The following TRHDE variants were observed in gnomAD, a reference collection of about 807,000 sequenced individuals.
TRHDE encodes the protein thyrotropin-releasing hormone-degrading ectoenzyme.
A neutral mutation model predicts 125.7 loss-of-function variants in TRHDE; 72 were observed. The observed-to-expected ratio is 0.57, with a 90% CI of 0.47 to 0.70. TRHDE has a LOEUF of 0.70. Among genes scored for constraint, TRHDE ranks in the 30% least tolerant of loss-of-function variants. TRHDE has a pLI of 0.00. For synonymous variants in TRHDE, 509 were observed against 509.1 expected (o/e 1.00, Z 0.00); for missense variants, 1,110 against 1,327.1 (o/e 0.84, Z 2.54).
At chr12:72,619,778 C>T (rs758945222) in intron 13 of TRHDE, among the ~76,000 whole-genome samples, 9 of 152,050 alleles carry the variant, frequency 5.9e-5, no homozygotes, top group South Asian at 2.1e-4. Flanking sequence ...CTTTAGTTAG[C>T]GTAAGAGCCT....
Position 72,524,880 on chromosome 12 carries a change from G to A in TRHDE, c.1723-17411G>A, listed in dbSNP as rs935496122. ...CAGCTTATGTATCCTGGTCTTCAAGGAAAACAGACAATCCTGGGCACACAT... is the reference window on the plus strand; with the variant it reads ...CAGCTTATGTATCCTGGTCTTCAAGAAAAACAGACAATCCTGGGCACACAT... On this transcript the variant is annotated intron_variant, in intron 6 of 18. Coordinates refer to ENST00000261180, the MANE Select transcript of TRHDE (RefSeq NM_013381.3). Among the ~76,000 whole-genome samples, 4 of 152,238 alleles carry A rather than the reference G, an allele frequency of 2.6e-5. No individual in the cohort carries two copies. The South Asian group carries it at 8.3e-4, about 32-fold the overall frequency.
intron 12 of TRHDE, among the ~76,000 whole-genome samples, chr12:72,603,036 A>G (rs571885239): frequency 2.2e-4 from 34 of 152,212 alleles, no homozygotes; most frequent in Admixed American, 4.6e-4. Flanking sequence ...AAAAGCTTCA[A>G]ATATACCCAT....
chr12:72,305,740 A>G (rs1447032412), intron 2 of TRHDE, among the ~76,000 whole-genome samples: 2 of 152,222 alleles, frequency 1.3e-5, no homozygotes, highest in Non-Finnish European at 2.9e-5. Context: ...GTGAGATTTT[A>G]TGGTTGAAGA....
intron 1 of TRHDE, among the ~76,000 whole-genome samples, chr12:72,281,879 A>G (rs1351578051): frequency 6.6e-6 from 1 of 152,204 alleles, no homozygotes; most frequent in Non-Finnish European, 1.5e-5. Context: ...CAGAAATAAG[A>G]AGAAATCAAT....
chr12:72,608,970 A>T (rs889708674), intron 12 of TRHDE, among the ~76,000 whole-genome samples: 2 of 152,240 alleles, frequency 1.3e-5, no homozygotes, highest in South Asian at 4.1e-4. Flanking sequence ...TAGAATGGGG[A>T]TGGTAATACT....
At chr12:72,556,727 C>CA (rs530963551) in intron 7 of TRHDE, among the ~76,000 whole-genome samples, 4 of 152,026 alleles carry the variant, frequency 2.6e-5, no homozygotes, top group Non-Finnish European at 4.4e-5. Flanking sequence ...GCTGGAAAGC[C>CA]AAAAAAATGA....
At chr12:72,240,647 G>A (rs1878459680) in intron 2 of TRHDE, among the ~76,000 whole-genome samples, 1 of 151,504 alleles carries the variant, frequency 6.6e-6, no homozygotes, top group African/African-American at 2.4e-5. Flanking sequence ...TCGGCTCACT[G>A]CAAGCTCCGC....
intron 2 of TRHDE, among the ~76,000 whole-genome samples, chr12:72,202,707 C>CT (rs1288282917): frequency 6.6e-6 from 1 of 152,216 alleles, no homozygotes; most frequent in Non-Finnish European, 1.5e-5. Context: ...ATTATCTTCT[C>CT]TAAGTCCCAT....
chr12:72,597,762 T>TACATACATAC (rs1555200905), intron 12 of TRHDE, among the ~76,000 whole-genome samples: 2 of 80,682 alleles, frequency 2.5e-5, no homozygotes, highest in African/African-American at 9.3e-5. Context: ...TATATATGCA[T>TACATACATAC]ACACACACAA....
chr12:72,193,135 C>A (rs943468505), intron 2 of TRHDE, among the ~76,000 whole-genome samples: 1 of 151,744 alleles, frequency 6.6e-6, no homozygotes. Context: ...CAAAATTTTG[C>A]CATTGTTACA....
In TRHDE at chr12:72,669,800, A is replaced by G. The variant is rs1376766608; in HGVS notation, c.*6605A>G. On this transcript the variant is annotated 3_prime_UTR_variant, in exon 19 of 19. Transcript: ENST00000261180. ...AAATATTGTGTAACAGCAATTCCAC[A>G]TTATCCTTTTGAATGCTACCTATAT... is the stretch of plus-strand genomic sequence containing the variant. 1 of 151,776 alleles carries G rather than the reference A, an allele frequency of 6.6e-6. No individual in the cohort carries two copies. Among genetic ancestry groups the G allele is most frequent in the African/African-American group, 2.4e-5 (1 of 41,392 alleles). 9.4% of individuals were successfully genotyped at this position (151,776 alleles called of 1,614,324 possible). A position where few individuals can be genotyped will look rare whatever the true frequency, so the allele number is the denominator to read the frequency against.
intron 2 of TRHDE, among the ~76,000 whole-genome samples, chr12:72,243,520 T>C (rs1459469008): frequency 6.6e-6 from 1 of 152,238 alleles, no homozygotes; most frequent in East Asian, 1.9e-4. Context: ...TTTTTATATT[T>C]ATTACCTGTT....
intron 15 of TRHDE, among the ~76,000 whole-genome samples, chr12:72,625,637 T>C (rs1010288905): frequency 2.6e-5 from 4 of 151,916 alleles, no homozygotes; most frequent in Non-Finnish European, 5.9e-5. Context: ...TTTACTACAT[T>C]ATGGGTGCTG....
chr12:72,536,702 T>A (rs1275961146), intron 6 of TRHDE, among the ~76,000 whole-genome samples: 2 of 152,092 alleles, frequency 1.3e-5, no homozygotes, highest in African/African-American at 4.8e-5. Context: ...AATATCACTA[T>A]TTTCAATTTT....
chr12:72,425,884 A>T (rs1041396703), intron 3 of TRHDE, among the ~76,000 whole-genome samples: 2 of 152,056 alleles, frequency 1.3e-5, no homozygotes, highest in Admixed American at 6.6e-5. Context: ...AATTTTCACT[A>T]AAGAAACTAA....
chr12:72,382,597 A>C lies in TRHDE; in HGVS notation c.1315+4476A>C, dbSNP rs117254709. Among the ~76,000 whole-genome samples the C allele has an allele frequency of 3.1e-4, 47 of 152,304 alleles. No individual in the cohort carries two copies. In the East Asian group the frequency reaches 8.5e-3, roughly 28 times the overall value. Reference sequence around the variant, plus strand: ...CATTGGTTTGCATTAGAAAACCAAAAATTGAAATAAATAAATAAACAGGAA... The same window carrying C: ...CATTGGTTTGCATTAGAAAACCAAACATTGAAATAAATAAATAAACAGGAA... On this transcript the variant is annotated intron_variant, in intron 3 of 18. Coordinates refer to ENST00000261180, the MANE Select transcript of TRHDE (RefSeq NM_013381.3).
intron 6 of TRHDE, among the ~76,000 whole-genome samples, chr12:72,500,265 CTAATTTTAACATGA>C (rs1878091240): frequency 6.6e-6 from 1 of 152,102 alleles, no homozygotes; most frequent in South Asian, 2.1e-4. Flanking sequence ...CTTAGTTGTT[CTAATTTTAACATGA>C]TGATGTGCCT....
chr12:72,553,530 G>A (rs1395060635), intron 7 of TRHDE, among the ~76,000 whole-genome samples: 2 of 151,978 alleles, frequency 1.3e-5, no homozygotes, highest in Non-Finnish European at 1.5e-5. Context: ...GAATTAGTGT[G>A]CCCATTCCAT....
chr12:72,651,467 T>G (rs1250868539), intron 15 of TRHDE, among the ~76,000 whole-genome samples: 1 of 151,968 alleles, frequency 6.6e-6, no homozygotes, highest in Admixed American at 6.6e-5. Context: ...TTCAAATTAT[T>G]AATGAGAAAT....
Sources: gnomAD v4.1 joint callset for allele counts (sites outside exome capture counted in the v4.1 genomes callset) on GRCh38, gnomAD v4.1.1 for gene constraint, MANE v1.5 for transcripts, NCBI Gene and HGNC (gene_info 2026-07-23, HGNC 2026-07-21) for gene names.